VTI1A: variants seen among roughly 807,000 people sequenced by gnomAD.
VTI1A encodes the protein vesicle transport through interaction with t-SNAREs 1A.
A neutral mutation model predicts 34.9 loss-of-function variants in VTI1A; 22 were observed. The observed-to-expected ratio is 0.63, with a 90% CI of 0.45 to 0.90. The LOEUF is 0.90. VTI1A is among the 40% of genes least tolerant of loss of function. The pLI is 0.00. For missense variants in VTI1A, 268 were observed against 275.6 expected (o/e 0.97, Z 0.20); for synonymous variants, 87 against 97.3 (o/e 0.89, Z 0.62).
the VTI1A span, among the ~76,000 whole-genome samples, chr10:112,850,096 A>G: frequency 6.6e-6 from 1 of 152,206 alleles, no homozygotes; most frequent in Non-Finnish European, 1.5e-5. Context: ...AAGAGTTGGG[A>G]GGGTTTTTCT....
intron 7 of VTI1A, among the ~76,000 whole-genome samples, chr10:112,743,734 TG>T (rs1211557956): frequency 6.6e-6 from 1 of 152,204 alleles, no homozygotes; most frequent in Non-Finnish European, 1.5e-5. Flanking sequence ...AAGTTTCTGC[TG>T]TGTCTCCTTT....
chr10:112,763,512 C>T (rs1433035525), intron 7 of VTI1A, among the ~76,000 whole-genome samples: 1 of 151,888 alleles, frequency 6.6e-6, no homozygotes, highest in African/African-American at 2.4e-5. Context: ...CATGCCTCAC[C>T]TGCACTAAGG....
At chr10:112,667,021 A>G (rs1327830210) in intron 5 of VTI1A, among the ~76,000 whole-genome samples, 14 of 152,222 alleles carry the variant, frequency 9.2e-5, no homozygotes, top group Admixed American at 9.2e-4. Flanking sequence ...GTGTGAGTTC[A>G]CAGCCAAAGC....
At chr10:112,575,536 T>C (rs1257376817) in intron 5 of VTI1A, among the ~76,000 whole-genome samples, 1 of 152,222 alleles carries the variant, frequency 6.6e-6, no homozygotes, top group Admixed American at 6.5e-5. Flanking sequence ...TCAAGAATGT[T>C]AACGTTCATC....
At chr10:112,707,152 CG>C (rs1351119429) in intron 7 of VTI1A, among the ~76,000 whole-genome samples, 1 of 151,846 alleles carries the variant, frequency 6.6e-6, no homozygotes, top group Non-Finnish European at 1.5e-5. Context: ...TTTTGTGGCG[CG>C]GGGAGGGGTT....
intron 7 of VTI1A, among the ~76,000 whole-genome samples, chr10:112,703,989 A>G (rs1849104838): frequency 6.6e-6 from 1 of 152,204 alleles, no homozygotes; most frequent in Non-Finnish European, 1.5e-5. Context: ...TGATATATGC[A>G]TAGTGTGACT....
At chr10:112,689,485 TAGG>T (rs1417174288) in intron 7 of VTI1A, among the ~76,000 whole-genome samples, 1 of 151,998 alleles carries the variant, frequency 6.6e-6, no homozygotes, top group Non-Finnish European at 1.5e-5. Flanking sequence ...GGTGCCCTGG[TAGG>T]AGGTGCTGGA....
chr10:112,845,942 C>T, the VTI1A span, among the ~76,000 whole-genome samples: 55 of 152,028 alleles, frequency 3.6e-4, no homozygotes, highest in Non-Finnish European at 6.6e-4. Context: ...CACTTGAACC[C>T]GGGAGGCGGA....
chr10:112,559,879 G>C (rs1249519798), intron 5 of VTI1A, among the ~76,000 whole-genome samples: 2 of 152,204 alleles, frequency 1.3e-5, no homozygotes, highest in Non-Finnish European at 2.9e-5. Context: ...ATGATGGGTA[G>C]TAGTTACTGA....
At chr10:112,502,064 A>G (rs1055973895) in intron 3 of VTI1A, among the ~76,000 whole-genome samples, 9 of 115,558 alleles carry the variant, frequency 7.8e-5, no homozygotes, top group South Asian at 2.6e-4. Flanking sequence ...GTCTTGTTCT[A>G]TTACCCAGGC....
intron 4 of VTI1A, among the ~76,000 whole-genome samples, chr10:112,537,310 G>GGTATATATATATATATATAT (rs1850671460): frequency 1.8e-4 from 2 of 10,864 alleles, no homozygotes; most frequent in East Asian, 2.1e-3. Flanking sequence ...TAAGTATCTA[G>GGTATATATATATATATATAT]GTATATATAT....
intron 5 of VTI1A, among the ~76,000 whole-genome samples, chr10:112,583,591 A>G (rs1473485103): frequency 6.6e-6 from 1 of 152,226 alleles, no homozygotes; most frequent in African/African-American, 2.4e-5. Context: ...CAATTTGCCT[A>G]TCATGGTAAT....
chr10:112,545,840 C>T (rs763464359), intron 5 of VTI1A, among the ~76,000 whole-genome samples: 48 of 151,310 alleles, frequency 3.2e-4, no homozygotes, highest in Middle Eastern at 3.4e-3. Context: ...CGCACGCGTG[C>T]GCGTGTGTTT....
intron 5 of VTI1A, among the ~76,000 whole-genome samples, chr10:112,577,893 G>A (rs944561203): frequency 2.0e-5 from 3 of 152,170 alleles, no homozygotes; most frequent in Non-Finnish European, 2.9e-5. Context: ...AAATCCGTTC[G>A]CTGTTTAAGT....
intron 7 of VTI1A, among the ~76,000 whole-genome samples, chr10:112,684,917 T>C (rs1848352121): frequency 6.6e-6 from 1 of 152,208 alleles, no homozygotes; most frequent in East Asian, 1.9e-4. Context: ...TGTATCTGTG[T>C]ACATTGGGCT....
chr10:112,646,936 G>C (rs1433689588), intron 5 of VTI1A, among the ~76,000 whole-genome samples: 1 of 152,152 alleles, frequency 6.6e-6, no homozygotes, highest in Non-Finnish European at 1.5e-5. Flanking sequence ...CTAAGTGTAA[G>C]CTGCTAGATG....
At chr10:112,637,172 G>A (rs184048650) in intron 5 of VTI1A, among the ~76,000 whole-genome samples, 1 of 152,226 alleles carries the variant, frequency 6.6e-6, no homozygotes, top group East Asian at 1.9e-4. Flanking sequence ...ACAATTTGGA[G>A]ACTCGTGAGA....
chr10:112,533,539 T>A (rs1311278296), intron 4 of VTI1A: 1 of 1,012,946 alleles, frequency 9.9e-7, no homozygotes, highest in Non-Finnish European at 1.2e-6. Flanking sequence ...GTTGATAAAA[T>A]TACGTGAAGA....
In VTI1A at chr10:112,576,759, A is replaced by G. The variant is rs867863676; in HGVS notation, c.427+38429A>G. 1.1e-4 allele frequency among the ~76,000 whole-genome samples: 17 copies of G among 152,262 alleles called. No individual in the cohort carries two copies. The South Asian group carries it at 3.3e-3, about 30-fold the overall frequency. Reference sequence around the variant, plus strand: ...CTATATTTGAGTGCCAAATATGTACAGGGCTTTAGGCTATATATGTCACAG... The same window carrying G: ...CTATATTTGAGTGCCAAATATGTACGGGGCTTTAGGCTATATATGTCACAG... On this transcript the variant is annotated intron_variant, in intron 5 of 7. Transcript: ENST00000393077.
Sources: gnomAD v4.1 joint callset for allele counts (sites outside exome capture counted in the v4.1 genomes callset) on GRCh38, gnomAD v4.1.1 for gene constraint, MANE v1.5 for transcripts, NCBI Gene and HGNC (gene_info 2026-07-23, HGNC 2026-07-21) for gene names.